The following XG variants were observed in gnomAD, a reference collection of about 807,000 sequenced individuals.
XG encodes the protein glycoprotein Xg.
XG carries 24 observed loss-of-function variants against 25.7 expected under a neutral mutation model. That is an observed-to-expected ratio of 0.93 (90% confidence interval 0.68 to 1.31). The LOEUF (loss-of-function observed/expected upper bound fraction) is 1.31. Ranked by LOEUF, XG falls within the 40% of genes most tolerant of loss-of-function variation. The pLI, the probability that XG is intolerant of heterozygous loss-of-function variation, is 0.00. For synonymous variants in XG, 77 were observed against 69.2 expected, an observed-to-expected ratio of 1.11 and a Z score of -0.56; for missense variants, 181 against 187.6, an observed-to-expected ratio of 0.96 and a Z score of 0.21.
chrX:2,770,692 A>C, intron 2 of XG, 101 bp downstream of exon 2: 1 of 1,439,688 alleles, frequency 6.9e-7, no homozygotes, highest in Non-Finnish European at 9.8e-7. Flanking sequence ...AGTGTTGGGA[A>C]TTTCTTGGTC....
chrX:2,808,836 A>G (rs953053737), intron 9 of XG, among the ~76,000 whole-genome samples: 2 of 111,387 alleles, frequency 1.8e-5, no homozygotes, highest in African/African-American at 6.5e-5. Flanking sequence ...ATTGAAGGTG[A>G]CCTCTACCTT....
chrX:2,780,667 G>C (rs1467641464), intron 3 of XG, among the ~76,000 whole-genome samples: 2 of 151,450 alleles, frequency 1.3e-5, no homozygotes, highest in East Asian at 3.9e-4. Context: ...GCAGGGAGCG[G>C]AGATCATGCC....
intron 3 of XG, among the ~76,000 whole-genome samples, chrX:2,778,631 A>C (rs2051052416): frequency 6.6e-6 from 1 of 152,226 alleles, no homozygotes; most frequent in Non-Finnish European, 1.5e-5. Context: ...AAGGGTTTGA[A>C]ACAGACTGAA....
At chrX:2,764,277 A>G (rs1235996531) in intron 1 of XG, among the ~76,000 whole-genome samples, 1 of 152,162 alleles carries the variant, frequency 6.6e-6, no homozygotes, top group African/African-American at 2.4e-5. Flanking sequence ...CAAATGGGCA[A>G]CCAGTGGCCC....
In XG at chrX:2,752,246, A is replaced by C. The variant is rs745455229; in HGVS notation, c.-29A>C. Reference sequence around the variant, plus strand: ...CACAATCCGCTTGGCTGGGGAGTCCACTGAGGTTCTTGCATCCTGAAGCAA... The same window carrying C: ...CACAATCCGCTTGGCTGGGGAGTCCCCTGAGGTTCTTGCATCCTGAAGCAA... On this transcript the variant is annotated 5_prime_UTR_variant, in exon 1 of 11. Transcript: ENST00000644266. The C allele has an allele frequency of 1.2e-4, 187 of 1,613,574 alleles. No homozygotes were observed. Among genetic ancestry groups the C allele is most frequent in the Non-Finnish European group, 1.5e-4 (178 of 1,179,696 alleles).
chrX:2,806,619 T>C, intron 7 of XG, 82 bp from the exon 8 acceptor site: 2 of 877,579 alleles, frequency 2.3e-6, no homozygotes, highest in Non-Finnish European at 3.2e-6. Context: ...GCTTCAGGTT[T>C]GCTGACCTGC....
intron 4 of XG, among the ~76,000 whole-genome samples, chrX:2,782,943 G>C (rs1459565448): frequency 8.9e-6 from 1 of 111,744 alleles, no homozygotes; most frequent in Non-Finnish European, 1.9e-5. Context: ...AACTGAATTC[G>C]TTCCCAAGGC....
intron 3 of XG, among the ~76,000 whole-genome samples, chrX:2,781,747 C>G (rs1569037485): frequency 8.9e-6 from 1 of 112,257 alleles, no homozygotes; most frequent in Non-Finnish European, 1.9e-5. Context: ...TAAATTTATT[C>G]CATGACAATT....
intron 1 of XG, among the ~76,000 whole-genome samples, chrX:2,767,378 G>C (rs1412762029): frequency 6.6e-6 from 1 of 152,020 alleles, no homozygotes; most frequent in Non-Finnish European, 1.5e-5. Context: ...TCTCCAGGAT[G>C]CCAGCAACCG....
chrX:2,771,983 G>C (rs1042522454), intron 2 of XG, among the ~76,000 whole-genome samples: 3 of 152,204 alleles, frequency 2.0e-5, no homozygotes, highest in African/African-American at 7.2e-5. Context: ...AGGGGTGGGG[G>C]TTAGAGGCAG....
chrX:2,810,511 G>A (rs1269269231), intron 9 of XG, among the ~76,000 whole-genome samples: 3 of 111,432 alleles, frequency 2.7e-5, no homozygotes, highest in African/African-American at 6.5e-5. Flanking sequence ...GCACAAAATA[G>A]TTTTGACATG....
chrX:2,770,111 G>T (rs1437686541), intron 1 of XG, among the ~76,000 whole-genome samples: 1 of 151,956 alleles, frequency 6.6e-6, no homozygotes, highest in Non-Finnish European at 1.5e-5. Context: ...TTGGAGAGAG[G>T]CTTCCTTCAA....
At chrX:2,765,726 T>C (rs1222179472) in intron 1 of XG, among the ~76,000 whole-genome samples, 1 of 152,240 alleles carries the variant, frequency 6.6e-6, no homozygotes, top group African/African-American at 2.4e-5. Flanking sequence ...GTGGGTCCAT[T>C]GCTCTCCTGT....
chrX:2,778,825 G>GT (rs1311709799), intron 3 of XG, among the ~76,000 whole-genome samples: 1 of 150,626 alleles, frequency 6.6e-6, no homozygotes, highest in Non-Finnish European at 1.5e-5. Flanking sequence ...CCAGGCTGCA[G>GT]TGCAGTGGTG....
At chrX:2,763,152 G>T (rs1047998889) in intron 1 of XG, among the ~76,000 whole-genome samples, 1 of 151,574 alleles carries the variant, frequency 6.6e-6, no homozygotes, top group African/African-American at 2.4e-5. Flanking sequence ...AAGTAGCTGG[G>T]ACTACAGGTG....
chrX:2,801,694 C>A (rs1282592501), intron 7 of XG, among the ~76,000 whole-genome samples: 1 of 110,310 alleles, frequency 9.1e-6, no homozygotes, highest in African/African-American at 3.4e-5. Context: ...ATGTCTGCAG[C>A]TCAACTTTAT....
intron 1 of XG, among the ~76,000 whole-genome samples, chrX:2,767,201 G>A (rs1474996700): frequency 1.3e-5 from 2 of 152,118 alleles, no homozygotes; most frequent in African/African-American, 4.8e-5. Flanking sequence ...TCCGGCAGGG[G>A]TGGAATTTGG....
At chrX:2,797,260 C>T (rs2086893904) in intron 6 of XG, 50 bp from the exon 7 acceptor site, 2 of 1,183,316 alleles carry the variant, frequency 1.7e-6, no homozygotes, top group Admixed American at 2.2e-5. Flanking sequence ...CAGGAAACCC[C>T]ACGCTCAGAC....
At chrX:2,769,216 G>A (rs1295118664) in intron 1 of XG, among the ~76,000 whole-genome samples, 1 of 152,212 alleles carries the variant, frequency 6.6e-6, no homozygotes, top group Non-Finnish European at 1.5e-5. Flanking sequence ...TTCCCCCAGA[G>A]CAAGCGTCAC....
Sources: allele counts gnomAD v4.1 joint callset (sites outside exome capture counted in the v4.1 genomes callset), GRCh38; gene constraint gnomAD v4.1.1; transcripts MANE v1.5; gene names NCBI Gene and HGNC (gene_info 2026-07-23, HGNC 2026-07-21).